The following RGS7 variants were observed in gnomAD, a reference collection of about 807,000 sequenced individuals.
RGS7 encodes regulator of G-protein signaling 7.
Under a neutral mutation model 81.1 loss-of-function variants are expected in RGS7, and 27 were observed. That is an observed-to-expected ratio of 0.33 (90% CI 0.25 to 0.46). The LOEUF (loss-of-function observed/expected upper bound fraction) is 0.46. RGS7 is among the 20% of genes least tolerant of loss of function. The pLI, the probability that RGS7 is intolerant of heterozygous loss-of-function variation, is 1.00. For synonymous variants in RGS7, 208 were observed against 207.7 expected (o/e 1.00, Z -0.01); for missense variants, 396 against 607.4 (o/e 0.65, Z 3.66).
chr1:240,910,435 G>A (rs545867005), intron 6 of RGS7, among the ~76,000 whole-genome samples: 1 of 152,320 alleles, frequency 6.6e-6, no homozygotes, highest in African/African-American at 2.4e-5. Flanking sequence ...TAGAGGCTGG[G>A]ATAGGCAGGA....
intron 2 of RGS7, among the ~76,000 whole-genome samples, chr1:241,284,849 G>T (rs1388056547): frequency 6.6e-6 from 1 of 151,920 alleles, no homozygotes; most frequent in South Asian, 2.1e-4. Flanking sequence ...AAAAGTTTCT[G>T]TCTTTCTTTG....
intron 6 of RGS7, among the ~76,000 whole-genome samples, chr1:240,927,288 A>G (rs1228674278): frequency 6.6e-6 from 1 of 152,060 alleles, no homozygotes; most frequent in Non-Finnish European, 1.5e-5. Flanking sequence ...GATGGTCTTG[A>G]TCTCTTGACC....
At chr1:241,097,985 T>C (rs1161209449) in intron 3 of RGS7, among the ~76,000 whole-genome samples, 1 of 152,188 alleles carries the variant, frequency 6.6e-6, no homozygotes, top group African/African-American at 2.4e-5. Context: ...AGCCCTTGGA[T>C]ATCAGGACCT....
At position 241,288,929 on chromosome 1, in the gene RGS7, C is replaced by T. The variant is rs529132925; in HGVS notation, c.78+66770G>A. On this transcript the variant is annotated intron_variant, in intron 2 of 18. Transcript: ENST00000440928. ...TGGAACATGATTATCACAAGGATCCCTCCCAGTGACCACATTTTCTGACAT... is the reference window on the plus strand; with the variant it reads ...TGGAACATGATTATCACAAGGATCCTTCCCAGTGACCACATTTTCTGACAT... 5.3e-5 allele frequency among the ~76,000 whole-genome samples: 8 copies of T among 152,324 alleles called. No homozygotes were observed. The East Asian group carries it at 1.5e-3, about 29-fold the overall frequency.
intron 2 of RGS7, among the ~76,000 whole-genome samples, chr1:241,241,855 A>G (rs1000512457): frequency 1.3e-5 from 2 of 152,106 alleles, no homozygotes; most frequent in Non-Finnish European, 2.9e-5. Context: ...TTGTTTTCTT[A>G]CAAGTAATAC....
At chr1:241,019,215 A>G (rs1264730860) in intron 3 of RGS7, among the ~76,000 whole-genome samples, 1 of 152,134 alleles carries the variant, frequency 6.6e-6, no homozygotes, top group African/African-American at 2.4e-5. Flanking sequence ...TAGCATCTTC[A>G]TTTAAATGTT....
chr1:241,174,905 T>TG (rs2071002906), intron 2 of RGS7, among the ~76,000 whole-genome samples: 1 of 138,318 alleles, frequency 7.2e-6, no homozygotes, highest in African/African-American at 2.7e-5. Flanking sequence ...GTTTTTTTTT[T>TG]TTTTTTTTTT....
intron 2 of RGS7, among the ~76,000 whole-genome samples, chr1:241,238,054 G>A (rs556371805): frequency 5.9e-5 from 9 of 152,090 alleles, no homozygotes; most frequent in Non-Finnish European, 1.2e-4. Context: ...CTCCTCTCTC[G>A]TAAGAATTCC....
chr1:241,121,710 C>CTTTTTTTTTTTTTT lies in RGS7; in HGVS notation c.79-22962_79-22949dup, dbSNP rs10681773. Reference sequence around the variant, plus strand: ...TCTATCCACCTGTGTTGCAATTGTTCTTTTTTTTTTTTTTTTTTTTTTTTT... The same window carrying CTTTTTTTTTTTTTT: ...TCTATCCACCTGTGTTGCAATTGTTCTTTTTTTTTTTTTTTTTTTTTTTTTTTTTTTTTTTTTTT... On this transcript the variant is annotated intron_variant, in intron 2 of 18. Transcript: ENST00000440928. Among the ~76,000 whole-genome samples the CTTTTTTTTTTTTTT allele has an allele frequency of 1.1e-4, 7 of 66,412 alleles. 1 individual carries two copies. Among genetic ancestry groups the CTTTTTTTTTTTTTT allele is most frequent in the Non-Finnish European group, 1.1e-4 (4 of 37,680 alleles). The allele number at this position is 66,412 out of a possible 152,430, so 43.6% of individuals were successfully genotyped here. A position where few individuals can be genotyped will look rare whatever the true frequency, so the allele number is the denominator to read the frequency against.
At chr1:241,184,437 T>C (rs1346572210) in intron 2 of RGS7, among the ~76,000 whole-genome samples, 2 of 152,170 alleles carry the variant, frequency 1.3e-5, no homozygotes, top group African/African-American at 4.8e-5. Context: ...AGGCATCTCA[T>C]AGGTAATGAT....
chr1:241,143,612 C>T (rs1034842477), intron 2 of RGS7, among the ~76,000 whole-genome samples: 13 of 152,182 alleles, frequency 8.5e-5, no homozygotes, highest in Non-Finnish European at 1.8e-4. Flanking sequence ...CCTCTCACAA[C>T]ATGTGGGAAT....
rs746340329 is a variant in RGS7, at chr1:241,310,465, GTGTGTGTC to G, written c.78+45226_78+45233del. On this transcript the variant is annotated intron_variant, in intron 2 of 18. Transcript: ENST00000440928. ...TGTGTGAGTGTGTGTGTGTGAGAGT[GTGTGTGTC>G]TGTGTGTCTGTGTGTGAGTGAGCGT... Among the ~76,000 whole-genome samples the G allele has an allele frequency of 1.6e-4, 14 of 87,880 alleles. No individual in the cohort carries two copies. The East Asian group carries it at 5.0e-3, about 31-fold the overall frequency. The allele number at this position is 87,880 out of a possible 152,430, so 57.7% of individuals were successfully genotyped here. A position where few individuals can be genotyped will look rare whatever the true frequency, so the allele number is the denominator to read the frequency against.
intron 3 of RGS7, among the ~76,000 whole-genome samples, chr1:241,031,152 G>C (rs566028228): frequency 6.6e-6 from 1 of 152,122 alleles, no homozygotes; most frequent in Admixed American, 6.5e-5. Flanking sequence ...AGTCTTCAAT[G>C]TCTATGAATT....
At chr1:241,312,254 T>C (rs768515759) in intron 2 of RGS7, among the ~76,000 whole-genome samples, 45 of 152,348 alleles carry the variant, frequency 3.0e-4, no homozygotes, top group Middle Eastern at 3.4e-3. Flanking sequence ...AAGGTCACTG[T>C]CTTCACGCAA....
At chr1:241,089,040 T>C (rs991701972) in intron 3 of RGS7, among the ~76,000 whole-genome samples, 1 of 49,732 alleles carries the variant, frequency 2.0e-5, no homozygotes, top group African/African-American at 1.0e-4. Flanking sequence ...TCTCTCTCTC[T>C]CTCTCTCTCT....
intron 2 of RGS7, among the ~76,000 whole-genome samples, chr1:241,279,327 C>A (rs757159662): frequency 9.2e-5 from 14 of 152,172 alleles, no homozygotes; most frequent in Non-Finnish European, 2.1e-4. Flanking sequence ...GATTTTCCTA[C>A]TGTTTCTATG....
At chr1:241,074,745 CG>C (rs2062691992) in intron 3 of RGS7, among the ~76,000 whole-genome samples, 1 of 152,066 alleles carries the variant, frequency 6.6e-6, no homozygotes, top group Non-Finnish European at 1.5e-5. Flanking sequence ...CCATATGAAC[CG>C]AGAGTCAGGT....
chr1:240,959,526 T>C (rs1403066114), intron 4 of RGS7, among the ~76,000 whole-genome samples: 1 of 152,214 alleles, frequency 6.6e-6, no homozygotes, highest in African/African-American at 2.4e-5. Context: ...TTATGATAGC[T>C]ACAGTATCAC....
chr1:241,029,864 CTCT>C (rs2148723242), intron 3 of RGS7, among the ~76,000 whole-genome samples: 1 of 152,246 alleles, frequency 6.6e-6, no homozygotes, highest in Non-Finnish European at 1.5e-5. Flanking sequence ...TATTTCATTT[CTCT>C]TCTTATTTCA....
Sources: gnomAD v4.1 joint callset for allele counts (sites outside exome capture counted in the v4.1 genomes callset) on GRCh38, gnomAD v4.1.1 for gene constraint, MANE v1.5 for transcripts, NCBI Gene and HGNC (gene_info 2026-07-23, HGNC 2026-07-21) for gene names.